FNBP1: variants seen among roughly 807,000 people sequenced by gnomAD.
FNBP1 encodes formin-binding protein 1.
Under a neutral mutation model 90.6 loss-of-function variants are expected in FNBP1, and 26 were observed. The observed-to-expected ratio is 0.29, with a 90% CI of 0.21 to 0.40. The LOEUF (loss-of-function observed/expected upper bound fraction) is 0.40. Among genes scored for constraint, FNBP1 ranks in the 10% least tolerant of loss-of-function variants. The probability of loss-of-function intolerance (pLI) is 1.00; values close to 1 mark genes in which losing one functional copy is unlikely to be tolerated. For missense variants in FNBP1, 635 were observed against 768.0 expected (o/e 0.83, Z 2.05); for synonymous variants, 260 against 265.2 (o/e 0.98, Z 0.19).
intron 6 of FNBP1, among the ~76,000 whole-genome samples, chr9:129,952,033 A>C (rs1332831477): frequency 6.6e-6 from 1 of 151,290 alleles, no homozygotes; most frequent in Non-Finnish European, 1.5e-5. Context: ...CTCTGCTAAA[A>C]ACACAAAAAT....
intron 4 of FNBP1, among the ~76,000 whole-genome samples, chr9:129,967,941 T>G (rs995097775): frequency 2.0e-5 from 3 of 152,038 alleles, no homozygotes; most frequent in Non-Finnish European, 4.4e-5. Flanking sequence ...TCCCCGGCCC[T>G]GAGCAATCTT....
chr9:130,032,629 C>A (rs2058902681), intron 1 of FNBP1, among the ~76,000 whole-genome samples: 1 of 152,102 alleles, frequency 6.6e-6, no homozygotes, highest in East Asian at 1.9e-4. Context: ...ATTATCTCTG[C>A]CAAGAAGAAA....
intron 16 of FNBP1, among the ~76,000 whole-genome samples, chr9:129,893,780 G>C (rs2035370842): frequency 6.6e-6 from 1 of 151,666 alleles, no homozygotes; most frequent in Non-Finnish European, 1.5e-5. Flanking sequence ...GCTGGGCATG[G>C]TGGCACACGC....
At chr9:129,956,491 C>G (rs141018055) in intron 6 of FNBP1, among the ~76,000 whole-genome samples, 125 of 152,232 alleles carry the variant, frequency 8.2e-4, no homozygotes, top group African/African-American at 2.9e-3. Flanking sequence ...AGGGAAAAAA[C>G]GCATATTGAG....
chr9:130,021,257 T>C (rs2057802129), intron 1 of FNBP1, among the ~76,000 whole-genome samples: 1 of 152,186 alleles, frequency 6.6e-6, no homozygotes, highest in Admixed American at 6.6e-5. Context: ...GCACAATACA[T>C]GTTTGTGGAA....
chr9:129,994,083 A>C (rs1309106183), intron 2 of FNBP1, among the ~76,000 whole-genome samples: 2 of 152,218 alleles, frequency 1.3e-5, no homozygotes, highest in African/African-American at 4.8e-5. Context: ...CGTAGATCCT[A>C]GGAAATGTGT....
At chr9:129,986,842 T>C (rs1310605020) in intron 2 of FNBP1, among the ~76,000 whole-genome samples, 2 of 151,602 alleles carry the variant, frequency 1.3e-5, no homozygotes, top group African/African-American at 4.9e-5. Context: ...AGATGAAACA[T>C]AAGGATAACT....
chr9:130,017,518 C>T (rs2057353878), intron 1 of FNBP1, among the ~76,000 whole-genome samples: 2 of 152,150 alleles, frequency 1.3e-5, no homozygotes, highest in South Asian at 2.1e-4. Flanking sequence ...GTAATTAACA[C>T]ACTAATATCA....
chr9:129,900,131 T>G lies in FNBP1; in HGVS notation c.1551-30A>C. On this transcript the variant is annotated intron_variant, in intron 14 of 16. Coordinates refer to ENST00000446176, the MANE Select transcript of FNBP1 (RefSeq NM_015033.3). The surrounding 1 kb of genome is among the most constrained non-coding windows in gnomAD (Gnocchi z 4.1). ...TCAAGAAAGGAAAACACAAAGCAACTAAAGCGACTGACCCCAGGGAGGACT... is the reference window on the plus strand; with the variant it reads ...TCAAGAAAGGAAAACACAAAGCAACGAAAGCGACTGACCCCAGGGAGGACT... 1 of 1,571,256 alleles carries G rather than the reference T, an allele frequency of 6.4e-7. No individual in the cohort carries two copies. The highest frequency in any genetic ancestry group is 8.6e-7 in the Non-Finnish European group (1 of 1,158,688).
intron 6 of FNBP1, among the ~76,000 whole-genome samples, chr9:129,949,883 A>T (rs1307886068): frequency 6.6e-6 from 1 of 152,242 alleles, no homozygotes; most frequent in African/African-American, 2.4e-5. Flanking sequence ...CTTATAGTTC[A>T]TATCAATTGT....
At chr9:129,953,881 C>T (rs548615134) in intron 6 of FNBP1, among the ~76,000 whole-genome samples, 4 of 151,906 alleles carry the variant, frequency 2.6e-5, no homozygotes, top group Middle Eastern at 3.4e-3. Flanking sequence ...AAAAGGGAGG[C>T]TCCACAAAGA....
chr9:129,912,687 T>A (rs1248887415), intron 11 of FNBP1, among the ~76,000 whole-genome samples: 1 of 75,346 alleles, frequency 1.3e-5, no homozygotes, highest in African/African-American at 4.4e-5. Flanking sequence ...TAAAACTCCA[T>A]CTCAAAAAAA....
intron 11 of FNBP1, among the ~76,000 whole-genome samples, chr9:129,913,305 G>A (rs1163975957): frequency 2.0e-5 from 3 of 152,122 alleles, no homozygotes; most frequent in African/African-American, 4.8e-5. Flanking sequence ...ATAAACAGGT[G>A]CAAAGAAATC....
chr9:130,006,743 T>C (rs2055764669), intron 1 of FNBP1, among the ~76,000 whole-genome samples: 1 of 152,170 alleles, frequency 6.6e-6, no homozygotes, highest in Non-Finnish European at 1.5e-5. Flanking sequence ...TCTGTTTCTG[T>C]TGCAGAAATG....
chr9:130,030,086 G>A (rs1351802217), intron 1 of FNBP1, among the ~76,000 whole-genome samples: 1 of 152,086 alleles, frequency 6.6e-6, no homozygotes, highest in African/African-American at 2.4e-5. Flanking sequence ...CATTCAATCT[G>A]GGTACCTGAA....
At chr9:129,974,443 C>T (rs913220588) in intron 4 of FNBP1, among the ~76,000 whole-genome samples, 7 of 152,220 alleles carry the variant, frequency 4.6e-5, no homozygotes, top group South Asian at 2.1e-4. Flanking sequence ...GGACTACAGG[C>T]GTGAGCCACC....
chr9:129,994,759 TAC>T, intron 2 of FNBP1, 82 bp downstream of exon 2: 1 of 553,984 alleles, frequency 1.8e-6, no homozygotes, highest in East Asian at 3.1e-5. Context: ...ATTTAAAATA[TAC>T]ATTTATACTG....
intron 1 of FNBP1, among the ~76,000 whole-genome samples, chr9:130,007,065 T>C (rs1381890860): frequency 6.7e-6 from 1 of 148,842 alleles, no homozygotes; most frequent in Non-Finnish European, 1.5e-5. Context: ...AAGACCCTCA[T>C]CTCTACAAAA....
chr9:130,029,895 G>A (rs1305105112), intron 1 of FNBP1, among the ~76,000 whole-genome samples: 1 of 151,994 alleles, frequency 6.6e-6, no homozygotes, highest in Non-Finnish European at 1.5e-5. Context: ...GAGGTAGGAG[G>A]ATTGCTTGAG....
Sources: gnomAD v4.1 joint callset for allele counts (sites outside exome capture counted in the v4.1 genomes callset) on GRCh38, gnomAD v4.1.1 for gene constraint, Gnocchi (gnomAD v3.1) non-coding constraint, MANE v1.5 for transcripts, NCBI Gene and HGNC (gene_info 2026-07-23, HGNC 2026-07-21) for gene names.